Variants in SMIM28 observed in about 807,000 individuals in gnomAD.
SMIM28 encodes the protein small integral membrane protein 28.
At chr6:138,379,443 GTA>G (rs1243268054) in intron 1 of SMIM28, among the ~76,000 whole-genome samples, 1 of 152,128 alleles carries the variant, frequency 6.6e-6, no homozygotes, top group African/African-American at 2.4e-5. Context: ...TTAAGTATCT[GTA>G]TATTCTATGC....
At chr6:138,381,166 G>C (rs577338464) in intron 1 of SMIM28, among the ~76,000 whole-genome samples, 2 of 152,038 alleles carry the variant, frequency 1.3e-5, no homozygotes, top group African/African-American at 4.8e-5. Flanking sequence ...TCAGCCTCCC[G>C]AAGTCCTGGG....
At chr6:138,378,996 A>G (rs759764786) in intron 1 of SMIM28, among the ~76,000 whole-genome samples, 3 of 152,230 alleles carry the variant, frequency 2.0e-5, no homozygotes, top group Non-Finnish European at 4.4e-5. Flanking sequence ...CCGAACAACA[A>G]ATGCCTTTAG....
At chr6:138,381,440 T>C (rs1318758303) in intron 1 of SMIM28, among the ~76,000 whole-genome samples, 1 of 152,196 alleles carries the variant, frequency 6.6e-6, no homozygotes, top group Admixed American at 6.5e-5. Context: ...GTTGCTTTTC[T>C]ACTTTGCTGT....
rs367964057 is a variant in SMIM28 at position 138,382,506 on chromosome 6, CA to C, written c.119del (p.Gln40ArgfsTer3). On this transcript the variant is annotated frameshift_variant, in exon 2 of 2. Transcript: ENST00000573100. LOFTEE classifies it low-confidence loss of function (END_TRUNC). Reference sequence around the variant, plus strand: ...CTTCCTTCCCTAACTCCAGGGCACCCAGGGGGTGAGCTCCACCCAGGAGGAT... The same window carrying C: ...CTTCCTTCCCTAACTCCAGGGCACCCGGGGGTGAGCTCCACCCAGGAGGAT... ...PLLETQLQGT[Q>X]GVSSTQEDVE... The C allele has an allele frequency of 5.0e-6, 2 of 398,306 alleles. No individual in the cohort carries two copies. Among genetic ancestry groups the C allele is most frequent in the African/African-American group, 2.1e-5 (1 of 48,544 alleles). 24.7% of individuals were successfully genotyped at this position (398,306 alleles called of 1,614,324 possible).
At chr6:138,380,249 A>C (rs2114742170) in intron 1 of SMIM28, among the ~76,000 whole-genome samples, 1 of 152,350 alleles carries the variant, frequency 6.6e-6, no homozygotes, top group African/African-American at 2.4e-5. Flanking sequence ...ACATTATAGG[A>C]ATTCAAACAC....
chr6:138,381,116 G>A (rs760807465), intron 1 of SMIM28, among the ~76,000 whole-genome samples: 2 of 152,182 alleles, frequency 1.3e-5, no homozygotes, highest in Middle Eastern at 3.4e-3. Flanking sequence ...ATGTTGGCCA[G>A]GCTGGTTCCA....
chr6:138,381,530 C>T (rs974858910), intron 1 of SMIM28, among the ~76,000 whole-genome samples: 1 of 151,990 alleles, frequency 6.6e-6, no homozygotes, highest in Admixed American at 6.5e-5. Flanking sequence ...ATTATAAAAT[C>T]GATACCTTTT....
intron 1 of SMIM28, among the ~76,000 whole-genome samples, chr6:138,381,987 A>C (rs1320823706): frequency 6.6e-6 from 1 of 152,244 alleles, no homozygotes; most frequent in East Asian, 1.9e-4. Flanking sequence ...TGTGTAAATT[A>C]ATATTATTTC....
intron 1 of SMIM28, among the ~76,000 whole-genome samples, chr6:138,379,221 T>G (rs1208909602): frequency 6.6e-6 from 1 of 152,194 alleles, no homozygotes; most frequent in Non-Finnish European, 1.5e-5. Flanking sequence ...GAAAACTCCT[T>G]TGTCTCAAGA....
chr6:138,379,610 T>C (rs540586433), intron 1 of SMIM28, among the ~76,000 whole-genome samples: 2 of 152,172 alleles, frequency 1.3e-5, no homozygotes, highest in Admixed American at 6.5e-5. Context: ...AAAGAGATAA[T>C]AGCCAAAGCT....
chr6:138,377,982 T>A lies in SMIM28; in HGVS notation c.-91T>A, dbSNP rs2114740783. Reference sequence around the variant, plus strand: ...TACCAACAGCCATCAGCCAAGCACATCCAAACTGGATCCAGGCCAAGAGCA... The same window carrying A: ...TACCAACAGCCATCAGCCAAGCACAACCAAACTGGATCCAGGCCAAGAGCA... On this transcript the variant is annotated 5_prime_UTR_variant, in exon 1 of 2. Coordinates refer to ENST00000573100, the MANE Select transcript of SMIM28 (RefSeq NM_001368163.3). The A allele has an allele frequency of 2.5e-6, 1 of 397,620 alleles. No homozygotes were observed. Among genetic ancestry groups the A allele is most frequent in the African/African-American group, 2.1e-5 (1 of 48,730 alleles). The allele number at this position is 397,620 out of a possible 1,614,324, so 24.6% of individuals were successfully genotyped here.
Position 138,382,571 on chromosome 6 carries a change from C to G in SMIM28, c.183C>G (p.Ile61Met), listed in dbSNP as rs1406143744. The G allele has an allele frequency of 2.5e-6, 1 of 399,086 alleles. No individual in the cohort carries two copies. The highest frequency in any genetic ancestry group is 2.1e-5 in the African/African-American group (1 of 48,596). 24.7% of individuals were successfully genotyped at this position (399,086 alleles called of 1,614,324 possible). ...PFLCILLPATILLFLAFLLLF... is the reference protein window; with the variant it reads ...PFLCILLPATMLLFLAFLLLF... ...TGTGCATCCTTCTGCCGGCCACCAT[C>G]CTGCTCTTCCTGGCATTTCTGCTGC... Residue 61 changes from isoleucine (I) to methionine (M), a missense_variant, in exon 2 of 2, where the codon ATC (isoleucine) becomes ATG (methionine). Ile to Met is a conservative substitution (Grantham distance 10). Transcript: ENST00000573100.
rs1020019108 is a variant in SMIM28 at position 138,382,523 on chromosome 6, C to A, written c.135C>A (p.Thr45=). ...QLQGTQGVSS[T]QEDVEPFLCI... ...AGGGCACCCAGGGGGTGAGCTCCACCCAGGAGGATGTGGAGCCCTTCCTGT... is the reference window on the plus strand; with the variant it reads ...AGGGCACCCAGGGGGTGAGCTCCACACAGGAGGATGTGGAGCCCTTCCTGT... Residue 45 remains threonine (T), a synonymous_variant, in exon 2 of 2, where the codon ACC becomes ACA. Transcript: ENST00000573100. The A allele has an allele frequency of 2.3e-5, 9 of 398,542 alleles. No individual in the cohort carries two copies. The highest frequency in any genetic ancestry group is 4.1e-5 in the African/African-American group (2 of 48,576). The allele number at this position is 398,542 out of a possible 1,614,324, so 24.7% of individuals were successfully genotyped here.
At position 138,378,145 on chromosome 6, in the gene SMIM28, A is replaced by C. The variant is rs1774275365; in HGVS notation, c.73A>C (p.Ser25Arg). Residue 25 changes from serine to arginine, a missense_variant, in exon 1 of 2, where the codon AGC (serine) becomes CGC (arginine). Ser to Arg is a moderately radical substitution (Grantham distance 110). Transcript: ENST00000573100. ...AGRGTYEWLT[S>R]EPGLPLLETQ... is the part of the protein sequence containing the mutation. ...CCGGGGGACATATGAGTGGTTAACC[A>C]GCGAGCCCGGCCTGCCTCTCCTGGA... 2.5e-6 allele frequency: 1 copy of C among 398,554 alleles called. No homozygotes were observed. The highest frequency in any genetic ancestry group is 4.4e-6 in the Non-Finnish European group (1 of 226,110). The allele number at this position is 398,554 out of a possible 1,614,324, so 24.7% of individuals were successfully genotyped here.
In SMIM28 at chr6:138,382,625, A is replaced by G. The variant is rs2076272; in HGVS notation, c.237A>G (p.Pro79=). The change falls in exon 2 of 2, where the codon CCA becomes CCG. Residue 79 remains proline, a synonymous_variant. Transcript: ENST00000573100. The part of the protein sequence containing the change: ...LLFLYRRCKS[P]PPQGQVFSID... ...TCCTGTACCGCCGCTGCAAGTCCCCACCGCCCCAGGGGCAGGTGTTCAGCA... is the reference window on the plus strand; with the variant it reads ...TCCTGTACCGCCGCTGCAAGTCCCCGCCGCCCCAGGGGCAGGTGTTCAGCA... The G allele has an allele frequency of 0.12, 46,288 of 398,002 alleles. 5,258 individuals carry two copies. The highest frequency in any genetic ancestry group is 0.41 in the African/African-American group (19,641 of 48,410). 24.7% of individuals were successfully genotyped at this position (398,002 alleles called of 1,614,324 possible).
At chr6:138,378,311 T>C in intron 1 of SMIM28, 128 bp downstream of exon 1, 1 of 395,692 alleles carries the variant, frequency 2.5e-6, no homozygotes, top group East Asian at 3.6e-5. Flanking sequence ...ATAACAAAAA[T>C]AGGAATTCAC....
intron 1 of SMIM28, 69 bp from the exon 2 acceptor site, chr6:138,382,430 GA>G (rs59488191): frequency 0.06 from 17,541 of 290,462 alleles, 2 homozygotes; most frequent in Non-Finnish European, 0.072. Context: ...AAGAAAGAAA[GA>G]AAAAAAAAAA....
At chr6:138,381,415 G>C (rs527965709) in intron 1 of SMIM28, among the ~76,000 whole-genome samples, 1 of 152,168 alleles carries the variant, frequency 6.6e-6, no homozygotes, top group South Asian at 2.1e-4. Context: ...ATTAGGAACA[G>C]TATTTTTTTT....
Position 138,382,580 on chromosome 6 carries a change from C to T in SMIM28, c.192C>T (p.Phe64=), listed in dbSNP as rs1367751921. ...TTCTGCCGGCCACCATCCTGCTCTTCCTGGCATTTCTGCTGCTGTTCCTGT... is the reference window on the plus strand; with the variant it reads ...TTCTGCCGGCCACCATCCTGCTCTTTCTGGCATTTCTGCTGCTGTTCCTGT... The part of the protein sequence containing the change: ...CILLPATILL[F]LAFLLLFLYR... Residue 64 remains phenylalanine, a synonymous_variant, in exon 2 of 2, where the codon TTC becomes TTT. Coordinates refer to ENST00000573100, the MANE Select transcript of SMIM28 (RefSeq NM_001368163.3). 13 of 399,132 alleles carry T rather than the reference C, an allele frequency of 3.3e-5. No individual in the cohort carries two copies. Among genetic ancestry groups the T allele is most frequent in the Non-Finnish European group, 5.3e-5 (12 of 226,662 alleles). The allele number at this position is 399,132 out of a possible 1,614,324, so 24.7% of individuals were successfully genotyped here.
Sources: allele counts gnomAD v4.1 joint callset (sites outside exome capture counted in the v4.1 genomes callset), GRCh38; gene constraint gnomAD v4.1.1; transcripts MANE v1.5; gene names NCBI Gene and HGNC (gene_info 2026-07-23, HGNC 2026-07-21).